Variants in PCDH15 observed in about 807,000 individuals in gnomAD.
PCDH15 encodes the protein protocadherin related 15, also known as protocadherin-15.
Under a neutral mutation model 178.5 loss-of-function variants are expected in PCDH15, and 129 were observed. The observed-to-expected ratio is 0.72, with a 90% CI of 0.63 to 0.84. The LOEUF (loss-of-function observed/expected upper bound fraction) is 0.84. Ranked by LOEUF, PCDH15 falls within the 40% of genes least tolerant of loss-of-function variation. The pLI is 0.00. For missense variants in PCDH15, 2,230 were observed against 2,099.9 expected (o/e 1.06, Z -1.21); for synonymous variants, 800 against 732.0 (o/e 1.09, Z -1.50).
At chr10:54,826,101 G>T (rs78845986) in intron 3 of PCDH15, among the ~76,000 whole-genome samples, 1 of 151,900 alleles carries the variant, frequency 6.6e-6, no homozygotes, top group African/African-American at 2.4e-5. Context: ...GCTTCTTTCT[G>T]TTATACTATA....
At chr10:55,221,992 G>A (rs968447972) in intron 1 of PCDH15, among the ~76,000 whole-genome samples, 5 of 149,618 alleles carry the variant, frequency 3.3e-5, no homozygotes, top group African/African-American at 9.8e-5. Flanking sequence ...TCAGCCTCTC[G>A]AGTAGCTGGG....
chr10:55,449,040 T>C (rs1459237607), intron 2 of PCDH15, among the ~76,000 whole-genome samples: 1 of 152,084 alleles, frequency 6.6e-6, no homozygotes, highest in Non-Finnish European at 1.5e-5. Flanking sequence ...CTTAATATAA[T>C]ATTTGTAATC....
At chr10:55,051,458 C>T (rs1328382415) in intron 2 of PCDH15, among the ~76,000 whole-genome samples, 1 of 151,870 alleles carries the variant, frequency 6.6e-6, no homozygotes, top group Non-Finnish European at 1.5e-5. Context: ...TAATTTAATC[C>T]ATTTATTTGT....
At chr10:55,611,465 C>T (rs1450370085) in intron 2 of PCDH15, among the ~76,000 whole-genome samples, 3 of 152,070 alleles carry the variant, frequency 2.0e-5, no homozygotes, top group African/African-American at 7.2e-5. Flanking sequence ...TTTCACCTTA[C>T]TCATTTTAGA....
chr10:54,209,763 G>GA (rs2051208503), intron 10 of PCDH15, among the ~76,000 whole-genome samples: 1 of 152,066 alleles, frequency 6.6e-6, no homozygotes, highest in Non-Finnish European at 1.5e-5. Flanking sequence ...TAGGGAAATT[G>GA]AAAACTAGCA....
At chr10:54,974,424 C>A (rs976557678) in intron 2 of PCDH15, among the ~76,000 whole-genome samples, 4 of 151,072 alleles carry the variant, frequency 2.6e-5, no homozygotes, top group Admixed American at 1.3e-4. Flanking sequence ...TACTTTATGT[C>A]CATAAAAAAT....
chr10:54,270,034 C>A (rs2057947450), intron 8 of PCDH15, among the ~76,000 whole-genome samples: 1 of 151,936 alleles, frequency 6.6e-6, no homozygotes, highest in Admixed American at 6.6e-5. Context: ...TATCTTTGAT[C>A]TCTTTTAACA....
chr10:53,969,888 C>T (rs1233189412), intron 21 of PCDH15, among the ~76,000 whole-genome samples: 1 of 152,162 alleles, frequency 6.6e-6, no homozygotes, highest in South Asian at 2.1e-4. Flanking sequence ...ACAACCAGTA[C>T]CAGCCACTGC....
chr10:54,532,079 A>T (rs1306116889), intron 2 of PCDH15, among the ~76,000 whole-genome samples: 1 of 152,144 alleles, frequency 6.6e-6, no homozygotes, highest in African/African-American at 2.4e-5. Flanking sequence ...TACCAGGCTA[A>T]TCTTGTCTCT....
chr10:55,355,213 C>T (rs1845044572), intron 2 of PCDH15, among the ~76,000 whole-genome samples: 1 of 151,992 alleles, frequency 6.6e-6, no homozygotes, highest in Non-Finnish European at 1.5e-5. Flanking sequence ...CTGCTACAAA[C>T]ATTTGCATGT....
Position 54,792,988 on chromosome 10 carries a change from G to A in PCDH15, c.-29+7937C>T, listed in dbSNP as rs550398477. On this transcript the variant is annotated intron_variant, in intron 1 of 37. Transcript: ENST00000644397. The stretch of plus-strand genomic sequence containing the variant: ...GTCCTCCACCTGGACCACCAGGTGA[G>A]CTAGGTGAGCCTCTATTCCTACCCA... 4.0e-5 allele frequency among the ~76,000 whole-genome samples: 6 copies of A among 151,874 alleles called. No homozygotes were observed. The South Asian group carries it at 1.0e-3, about 26-fold the overall frequency.
chr10:54,065,775 A>G (rs556405023), intron 18 of PCDH15, among the ~76,000 whole-genome samples: 1 of 152,354 alleles, frequency 6.6e-6, no homozygotes, highest in South Asian at 2.1e-4. Flanking sequence ...AAAAGCTTCA[A>G]CTGGTCAATC....
intron 25 of PCDH15, among the ~76,000 whole-genome samples, chr10:53,915,749 G>A (rs907274438): frequency 1.3e-5 from 2 of 152,000 alleles, no homozygotes; most frequent in South Asian, 2.1e-4. Flanking sequence ...TAGTAGAGAC[G>A]GGGTTTCACT....
intron 8 of PCDH15, among the ~76,000 whole-genome samples, chr10:54,283,513 C>A (rs778414835): frequency 2.6e-5 from 4 of 151,988 alleles, no homozygotes; most frequent in Non-Finnish European, 5.9e-5. Flanking sequence ...TAAAACTATT[C>A]TCTGGGAACT....
chr10:55,611,381 A>C (rs1400334397), intron 2 of PCDH15, among the ~76,000 whole-genome samples: 1 of 152,126 alleles, frequency 6.6e-6, no homozygotes, highest in Non-Finnish European at 1.5e-5. Context: ...CAAAGAAGAC[A>C]TACAAATGGC....
chr10:54,086,821 C>A (rs1326095766), intron 16 of PCDH15, among the ~76,000 whole-genome samples: 1 of 152,118 alleles, frequency 6.6e-6, no homozygotes, highest in Non-Finnish European at 1.5e-5. Context: ...TCCAGGTTGA[C>A]CTAAGAGCTT....
intron 20 of PCDH15, among the ~76,000 whole-genome samples, chr10:54,000,566 TAGC>T (rs1472116929): frequency 1.3e-5 from 2 of 151,898 alleles, no homozygotes; most frequent in Admixed American, 1.3e-4. Flanking sequence ...AGTTTTTTAA[TAGC>T]AGAATTGACC....
chr10:54,781,892 G>A lies in PCDH15; in HGVS notation c.-29+19033C>T, dbSNP rs1030298625. Among the ~76,000 whole-genome samples, 8 of 152,188 alleles carry A rather than the reference G, an allele frequency of 5.3e-5. 1 individual carries two copies. The East Asian group carries it at 7.7e-4, about 15-fold the overall frequency. ...AATTACCTAACAGCTGGTACTATGC[G>A]TTTACATTTAGAAAGACAAAACCTT... On this transcript the variant is annotated intron_variant, in intron 1 of 37. Transcript: ENST00000644397.
At chr10:53,883,904 C>A (rs575494612) in intron 26 of PCDH15, among the ~76,000 whole-genome samples, 1 of 152,150 alleles carries the variant, frequency 6.6e-6, no homozygotes, top group Non-Finnish European at 1.5e-5. Flanking sequence ...TTAGTAGAGA[C>A]GGGCTTTCAC....
Sources: allele counts gnomAD v4.1 joint callset (sites outside exome capture counted in the v4.1 genomes callset), GRCh38; gene constraint gnomAD v4.1.1; transcripts MANE v1.5; gene names NCBI Gene and HGNC (gene_info 2026-07-23, HGNC 2026-07-21).